The following ZNF679 variants were observed in gnomAD, a reference collection of about 807,000 sequenced individuals.
The protein encoded by ZNF679 is zinc finger protein 679.
ZNF679 carries 10 observed loss-of-function variants against 13.4 expected under a neutral mutation model. That is an observed-to-expected ratio of 0.75 (90% CI 0.46 to 1.27). ZNF679 has a LOEUF of 1.27. Ranked by LOEUF, ZNF679 falls within the 50% of genes most tolerant of loss-of-function variation. The pLI is 0.00. For missense variants in ZNF679, 525 were observed against 477.8 expected (o/e 1.10, Z -0.92); for synonymous variants, 179 against 162.5 (o/e 1.10, Z -0.77).
chr7:64,246,305 G>C (rs552656335), intron 1 of ZNF679, among the ~76,000 whole-genome samples: 2 of 152,142 alleles, frequency 1.3e-5, no homozygotes, highest in Admixed American at 1.3e-4. Flanking sequence ...GCCAATTGGC[G>C]ATTCAGTCTA....
chr7:64,239,883 C>T (rs530268314), intron 1 of ZNF679, among the ~76,000 whole-genome samples: 2 of 152,262 alleles, frequency 1.3e-5, no homozygotes, highest in South Asian at 4.2e-4. Flanking sequence ...TTTTACAGTT[C>T]TCATCACAAC....
chr7:64,261,782 A>G (rs1021726543), intron 4 of ZNF679, among the ~76,000 whole-genome samples: 10 of 150,866 alleles, frequency 6.6e-5, no homozygotes, highest in Middle Eastern at 3.4e-3. Flanking sequence ...ATTTTGTGCA[A>G]CCTTTCAAAT....
chr7:64,250,271 T>TG (rs1283478335), intron 2 of ZNF679, among the ~76,000 whole-genome samples: 1 of 143,520 alleles, frequency 7.0e-6, no homozygotes. Flanking sequence ...CTTGGTTTTT[T>TG]TTTTTTTTTT....
rs779159500 is a variant in ZNF679, at chr7:64,265,965, T to C, written c.332T>C (p.Ile111Thr). 6.2e-6 allele frequency: 10 copies of C among 1,613,688 alleles called. No homozygotes were observed. The East Asian group carries it at 2.0e-4, about 32-fold the overall frequency. Reference protein sequence around the residue: ...LGIKDSLQKVIPRRYGKSGHD... With the variant: ...LGIKDSLQKVTPRRYGKSGHD... Reference sequence around the variant, plus strand: ...ATAAAAGATTCACTCCAAAAAGTAATACCAAGAAGATATGGAAAAAGTGGA... The same window carrying C: ...ATAAAAGATTCACTCCAAAAAGTAACACCAAGAAGATATGGAAAAAGTGGA... Residue 111 changes from isoleucine to threonine, a missense_variant, in exon 5 of 5, where the codon ATA becomes ACA. Transcript: ENST00000421025.
chr7:64,242,566 C>A (rs1787812699), intron 1 of ZNF679, among the ~76,000 whole-genome samples: 1 of 152,150 alleles, frequency 6.6e-6, no homozygotes. Flanking sequence ...ATGTGACAGG[C>A]ATGATCCAAC....
intron 2 of ZNF679, among the ~76,000 whole-genome samples, chr7:64,252,457 G>A (rs571141436): frequency 1.3e-5 from 2 of 152,116 alleles, no homozygotes; most frequent in East Asian, 3.9e-4. Context: ...GTTTTTCAGA[G>A]TGAGCATAGA....
At chr7:64,246,528 A>G (rs1378340599) in intron 1 of ZNF679, among the ~76,000 whole-genome samples, 4 of 151,988 alleles carry the variant, frequency 2.6e-5, no homozygotes, top group Non-Finnish European at 4.4e-5. Flanking sequence ...TTTGAGATCA[A>G]TCTGGCCAAC....
At chr7:64,255,649 C>T (rs11773364) in intron 2 of ZNF679, among the ~76,000 whole-genome samples, 28,452 of 151,592 alleles carry the variant, frequency 0.19, 2,932 homozygotes, top group Non-Finnish European at 0.23. Flanking sequence ...TGCTCTGTCA[C>T]CCAGGCTGGA....
rs1158825074 is a variant in ZNF679, at chr7:64,266,169, C to T, written c.536C>T (p.Thr179Ile). The change falls in exon 5 of 5, where the codon ACT becomes ATT. Residue 179 changes from threonine (T) to isoleucine (I), a missense_variant. By Grantham distance (89) the Thr-to-Ile change is moderately conservative. Transcript: ENST00000421025. Reference sequence around the variant, plus strand: ...TCCAATAGACATAAGACAAGACATACTGGAAAGAAACATTTCAAATGTAAA... The same window carrying T: ...TCCAATAGACATAAGACAAGACATATTGGAAAGAAACATTTCAAATGTAAA... ...SNSNRHKTRH[T>I]GKKHFKCKKY... 3.1e-6 allele frequency: 5 copies of T among 1,598,754 alleles called. No homozygotes were observed. In the Admixed American group the frequency reaches 5.2e-5, roughly 17 times the overall value.
At chr7:64,238,844 TC>T (rs2116514946) in intron 1 of ZNF679, among the ~76,000 whole-genome samples, 1 of 152,212 alleles carries the variant, frequency 6.6e-6, no homozygotes, top group South Asian at 2.1e-4. Flanking sequence ...TGCCCATAGA[TC>T]CCCACAGTTG....
At position 64,266,460 on chromosome 7, in the gene ZNF679, C is replaced by A. The variant is rs376650373; in HGVS notation, c.827C>A (p.Ala276Asp). 1.5e-5 allele frequency: 25 copies of A among 1,613,536 alleles called. No individual in the cohort carries two copies. In the African/African-American group the frequency reaches 2.9e-4, roughly 19 times the overall value. Residue 276 changes from alanine (A) to aspartate (D), a missense_variant, in exon 5 of 5, where the codon GCC (alanine) becomes GAC (aspartate). Physicochemically the swap from Ala to Asp is moderately radical, Grantham distance 126. Coordinates refer to ENST00000421025, the MANE Select transcript of ZNF679 (RefSeq NM_153363.3). Reference sequence around the variant, plus strand: ...TACACATGTGAAGAATGTGGCCAAGCCTTTAGCCGCTCCTCAACACTTGCT... The same window carrying A: ...TACACATGTGAAGAATGTGGCCAAGACTTTAGCCGCTCCTCAACACTTGCT... ...KPYTCEECGQ[A>D]FSRSSTLANH...
intron 1 of ZNF679, among the ~76,000 whole-genome samples, chr7:64,242,425 C>T (rs190952940): frequency 2.0e-5 from 3 of 152,166 alleles, no homozygotes; most frequent in African/African-American, 4.8e-5. Context: ...TGTAGGATCA[C>T]ACCCATTGCC....
intron 2 of ZNF679, among the ~76,000 whole-genome samples, chr7:64,251,782 A>G (rs1787947291): frequency 6.6e-6 from 1 of 152,190 alleles, no homozygotes; most frequent in East Asian, 1.9e-4. Context: ...ATTTTCTTTT[A>G]GAGAACAGCA....
chr7:64,234,980 G>A (rs768611897), intron 1 of ZNF679, among the ~76,000 whole-genome samples: 1 of 152,156 alleles, frequency 6.6e-6, no homozygotes. Flanking sequence ...TGGGACTACA[G>A]GCATGTGCCA....
chr7:64,236,194 G>A (rs891458268), intron 1 of ZNF679, among the ~76,000 whole-genome samples: 1 of 152,078 alleles, frequency 6.6e-6, no homozygotes, highest in African/African-American at 2.4e-5. Flanking sequence ...GAACTCAGTA[G>A]GCAGAAGTTG....
At chr7:64,231,740 G>T (rs75456489) in intron 1 of ZNF679, among the ~76,000 whole-genome samples, 2,292 of 152,006 alleles carry the variant, frequency 0.015, 53 homozygotes, top group African/African-American at 0.052. Context: ...TCCTGAAGGC[G>T]GGGCCCAGGC....
At chr7:64,242,700 C>T (rs1787814075) in intron 1 of ZNF679, among the ~76,000 whole-genome samples, 1 of 152,088 alleles carries the variant, frequency 6.6e-6, no homozygotes, top group Non-Finnish European at 1.5e-5. Flanking sequence ...GTGCTGGGCC[C>T]TACTATAACA....
chr7:64,241,699 A>T (rs1237008796), intron 1 of ZNF679, among the ~76,000 whole-genome samples: 1 of 152,244 alleles, frequency 6.6e-6, no homozygotes, highest in East Asian at 1.9e-4. Flanking sequence ...GATAGGTCAC[A>T]ATCCCAACTA....
intron 1 of ZNF679, among the ~76,000 whole-genome samples, chr7:64,239,717 A>G (rs10085616): frequency 0.3 from 45,593 of 152,094 alleles, 7,641 homozygotes; most frequent in East Asian, 0.48. Context: ...GTCCTATCTT[A>G]TTTGTGCCCT....
Sources: gnomAD v4.1 joint callset for allele counts (sites outside exome capture counted in the v4.1 genomes callset) on GRCh38, gnomAD v4.1.1 for gene constraint, MANE v1.5 for transcripts, NCBI Gene and HGNC (gene_info 2026-07-23, HGNC 2026-07-21) for gene names.